The following BNC1 variants were observed in gnomAD, a reference collection of about 807,000 sequenced individuals.
BNC1 encodes basonuclin zinc finger protein 1.
In BNC1, 8 loss-of-function variants were observed where a neutral mutation model predicts 66.5. The ratio of observed to expected loss-of-function variants is 0.12; its 90% CI spans 0.07 to 0.22. BNC1 has a LOEUF of 0.22. Ranked by LOEUF, BNC1 falls within the 10% of genes least tolerant of loss-of-function variation. The probability of loss-of-function intolerance (pLI) is 1.00; values close to 1 mark genes in which losing one functional copy is unlikely to be tolerated. For missense variants in BNC1, 1,069 were observed against 1,241.3 expected (o/e 0.86, Z 2.09); for synonymous variants, 454 against 452.6 (o/e 1.00, Z -0.04).
rs1402815310 is a variant in BNC1, at chr15:83,256,689, A to G, written c.*753T>C. 6.6e-6 allele frequency: 1 copy of G among 152,228 alleles called. No homozygotes were observed. Among genetic ancestry groups the G allele is most frequent in the Non-Finnish European group, 1.5e-5 (1 of 68,034 alleles). 9.4% of individuals were successfully genotyped at this position (152,228 alleles called of 1,614,324 possible). A position where few individuals can be genotyped will look rare whatever the true frequency, so the allele number is the denominator to read the frequency against. On this transcript the variant is annotated 3_prime_UTR_variant, in exon 5 of 5. Coordinates refer to ENST00000345382, the MANE Select transcript of BNC1 (RefSeq NM_001717.4). ...AGAGATCCAGAGGTGACACAGTGCA[A>G]TATCTGCACTCACACCAAACACCAC... is the stretch of plus-strand genomic sequence containing the variant.
At chr15:83,259,039 G>A (rs4408505) in intron 4 of BNC1, among the ~76,000 whole-genome samples, 30,767 of 152,172 alleles carry the variant, frequency 0.2, 3,267 homozygotes, top group Admixed American at 0.23. Flanking sequence ...TATTTGTAAC[G>A]TTTCACTATC....
At position 83,284,547 on chromosome 15, in the gene BNC1, C is replaced by A; in HGVS notation, c.82G>T (p.Gly28Cys). The A allele has an allele frequency of 1.7e-6, 2 of 1,163,086 alleles. No individual in the cohort carries two copies. The highest frequency in any genetic ancestry group is 2.1e-6 in the Non-Finnish European group (2 of 937,008). 72.0% of individuals were successfully genotyped at this position (1,163,086 alleles called of 1,614,324 possible). Residue 28 changes from glycine (G) to cysteine (C), a missense_variant, in exon 1 of 5, where the codon GGT becomes TGT. This residue lies in a region of BNC1 where 78 missense variants were observed against 80.9 expected (regional missense o/e 0.96). Coordinates refer to ENST00000345382, the MANE Select transcript of BNC1 (RefSeq NM_001717.4). Reference sequence around the variant, plus strand: ...GCGCTTACCTCGGCCATCCTGCGACCGCTGCGGTGCCGGGGCTGCCGGCGC... The same window carrying A: ...GCGCTTACCTCGGCCATCCTGCGACAGCTGCGGTGCCGGGGCTGCCGGCGC... ...ETRRQPRHRS[G>C]RRMAEAISCT...
chr15:83,266,099 C>T lies in BNC1; in HGVS notation c.435+737G>A, dbSNP rs1358443368. Among the ~76,000 whole-genome samples the T allele has an allele frequency of 2.0e-5, 3 of 152,068 alleles. No homozygotes were observed. The East Asian group carries it at 5.8e-4, about 29-fold the overall frequency. On this transcript the variant is annotated intron_variant, in intron 3 of 4. Transcript: ENST00000345382. ...TTTGCTTCTAAAAACACCTTGATAGCCTCTTTGGAAATGAAACATGAAGCC... is the reference window on the plus strand; with the variant it reads ...TTTGCTTCTAAAAACACCTTGATAGTCTCTTTGGAAATGAAACATGAAGCC...
chr15:83,283,441 C>G, intron 1 of BNC1: 1 of 1,243,714 alleles, frequency 8.0e-7, no homozygotes, highest in Non-Finnish European at 1.0e-6. Flanking sequence ...CCGCCCGGCT[C>G]CCAGCACGGA....
In BNC1 at chr15:83,264,510, C is replaced by A. The variant is rs1335768218; in HGVS notation, c.741G>T (p.Gln247His). ...ISNMTFMLPF[Q>H]FFNPLPPALI... Reference sequence around the variant, plus strand: ...GTGCAGGAGGCAGAGGGTTGAAGAACTGGAAAGGCAGCATGAAAGTCATGT... The same window carrying A: ...GTGCAGGAGGCAGAGGGTTGAAGAAATGGAAAGGCAGCATGAAAGTCATGT... Residue 247 changes from glutamine (Q) to histidine (H), a missense_variant, in exon 4 of 5, where the codon CAG becomes CAT. By Grantham distance (24) the Gln-to-His change is conservative. This residue lies in a region of BNC1 where 181 missense variants were observed against 181.5 expected (regional missense o/e 1.00). Transcript: ENST00000345382. The A allele has an allele frequency of 1.2e-6, 2 of 1,614,096 alleles. No individual in the cohort carries two copies. The highest frequency in any genetic ancestry group is 1.6e-4 in the Middle Eastern group (1 of 6,062).
intron 1 of BNC1, chr15:83,283,387 G>T: frequency 7.4e-7 from 1 of 1,350,890 alleles, no homozygotes; most frequent in Non-Finnish European, 9.5e-7. Context: ...AGACCCCGCA[G>T]CGGCCTCCTC....
chr15:83,259,658 G>A (rs1353659719), intron 4 of BNC1, among the ~76,000 whole-genome samples: 1 of 152,152 alleles, frequency 6.6e-6, no homozygotes. Context: ...CATACAAGTG[G>A]TTAAAAAGAA....
chr15:83,283,239 C>A (rs1430151373), intron 1 of BNC1: 1 of 1,535,656 alleles, frequency 6.5e-7, no homozygotes, highest in Non-Finnish European at 8.7e-7. Context: ...CGGAGCTACG[C>A]GCTGATTAAT....
At chr15:83,283,388 C>T in intron 1 of BNC1, 1 of 1,280,114 alleles carries the variant, frequency 7.8e-7, no homozygotes. Context: ...GACCCCGCAG[C>T]GGCCTCCTCC....
chr15:83,263,442 A>G lies in BNC1; in HGVS notation c.1809T>C (p.Pro603=). The G allele has an allele frequency of 1.9e-6, 3 of 1,614,184 alleles. No individual in the cohort carries two copies. The highest frequency in any genetic ancestry group is 2.5e-6 in the Non-Finnish European group (3 of 1,180,020). ...CACGATGGCAGGGCCTCTCCCCTTC[A>G]GGGAAAGGCTTCCCTAAGCCTCCTG... is the stretch of plus-strand genomic sequence containing the variant. ...VQSGGLGKPF[P]EGERPCHRES... Residue 603 remains proline, a synonymous_variant, in exon 4 of 5, where the codon CCT becomes CCC. Transcript: ENST00000345382.
intron 1 of BNC1, among the ~76,000 whole-genome samples, chr15:83,276,515 C>G (rs1374290011): frequency 6.6e-6 from 1 of 152,158 alleles, no homozygotes; most frequent in Admixed American, 6.5e-5. Flanking sequence ...CCCCAATATG[C>G]CTTAGTAAAA....
rs1034560313 is a variant in BNC1, at chr15:83,267,021, T to C, written c.250A>G (p.Ile84Val). The C allele has an allele frequency of 6.2e-7, 1 of 1,614,108 alleles. No homozygotes were observed. The highest frequency in any genetic ancestry group is 1.1e-5 in the South Asian group (1 of 91,076). ...TCAAACACTACATTGGACTGGACAATCTCCACCTGGCTTGTTGGATACATG... is the reference window on the plus strand; with the variant it reads ...TCAAACACTACATTGGACTGGACAACCTCCACCTGGCTTGTTGGATACATG... ...PPMYPTSQVEIVQSNVVFDIS... is the reference protein window; with the variant it reads ...PPMYPTSQVEVVQSNVVFDIS... The change falls in exon 3 of 5, where the codon ATT (isoleucine) becomes GTT (valine). Residue 84 changes from isoleucine to valine, a missense_variant. Around this residue, in one of 7 missense-constraint regions of BNC1, gnomAD observed 30 missense variants for 20.2 expected, o/e 1.49. Coordinates refer to ENST00000345382, the MANE Select transcript of BNC1 (RefSeq NM_001717.4).
intron 1 of BNC1, among the ~76,000 whole-genome samples, chr15:83,270,653 A>C (rs2038261236): frequency 6.6e-6 from 1 of 151,978 alleles, no homozygotes; most frequent in Non-Finnish European, 1.5e-5. Flanking sequence ...GTCTCTTCAG[A>C]TCTTTTGCCT....
chr15:83,266,187 G>A (rs1162287898), intron 3 of BNC1, among the ~76,000 whole-genome samples: 1 of 148,022 alleles, frequency 6.8e-6, no homozygotes, highest in African/African-American at 2.5e-5. Flanking sequence ...AGGACAGAGA[G>A]GATGAAGGGC....
At position 83,263,281 on chromosome 15, in the gene BNC1, T is replaced by C. The variant is rs1395490209; in HGVS notation, c.1970A>G (p.Tyr657Cys). The C allele has an allele frequency of 6.2e-7, 1 of 1,614,078 alleles. No homozygotes were observed. Among genetic ancestry groups the C allele is most frequent in the Admixed American group, 1.7e-5 (1 of 60,004 alleles). ...TTGGGGTTCCATCCCAGGTGTGAAGTAGTGTTCATGGCCACCATCCTCGAC... is the reference window on the plus strand; with the variant it reads ...TTGGGGTTCCATCCCAGGTGTGAAGCAGTGTTCATGGCCACCATCCTCGAC... ...REVEDGGHEH[Y>C]FTPGMEPQVP... is the part of the protein sequence containing the mutation. Residue 657 changes from tyrosine to cysteine, a missense_variant, in exon 4 of 5, where the codon TAC (tyrosine) becomes TGC (cysteine). Around this residue, in one of 7 missense-constraint regions of BNC1, gnomAD observed 657 missense variants for 715.8 expected, o/e 0.92. Transcript: ENST00000345382.
intron 1 of BNC1, among the ~76,000 whole-genome samples, chr15:83,269,429 G>A (rs914958983): frequency 1.6e-5 from 2 of 122,076 alleles, no homozygotes; most frequent in African/African-American, 3.7e-5. Context: ...TGGGAAGTGC[G>A]TGTGTGTGTG....
rs754381422 is a variant in BNC1, at chr15:83,264,016, C to T, written c.1235G>A (p.Arg412Gln). The T allele has an allele frequency of 3.7e-6, 6 of 1,614,102 alleles. No individual in the cohort carries two copies. The highest frequency in any genetic ancestry group is 4.5e-5 in the East Asian group (2 of 44,870). The change falls in exon 4 of 5, where the codon CGG (arginine) becomes CAG (glutamine). Residue 412 changes from arginine (R) to glutamine (Q), a missense_variant. Around this residue, in one of 7 missense-constraint regions of BNC1, gnomAD observed 82 missense variants for 136.3 expected, o/e 0.60. Coordinates refer to ENST00000345382, the MANE Select transcript of BNC1 (RefSeq NM_001717.4). ...ATTTCTGTTCATTGGCATGTGCAGC[C>T]GAGGGTTGGGGTTGGCGCTATGGCG... Reference protein sequence around the residue: ...RNRHSANPNPRLHMPMNRNNR... With the variant: ...RNRHSANPNPQLHMPMNRNNR...
At chr15:83,283,192 G>A (rs746367608) in intron 1 of BNC1, 2 of 1,535,698 alleles carry the variant, frequency 1.3e-6, no homozygotes, top group South Asian at 2.4e-5. Context: ...TAAATGAGAA[G>A]AACATGTTTC....
chr15:83,279,392 C>G (rs929610493), intron 1 of BNC1, among the ~76,000 whole-genome samples: 2 of 152,180 alleles, frequency 1.3e-5, no homozygotes, highest in Non-Finnish European at 2.9e-5. Context: ...AACTCCTACT[C>G]TCCCCCAAAT....
Sources: allele counts gnomAD v4.1 joint callset (sites outside exome capture counted in the v4.1 genomes callset), GRCh38; gene constraint gnomAD v4.1.1; regional missense constraint gnomAD v4.1.1; transcripts MANE v1.5; gene names NCBI Gene and HGNC (gene_info 2026-07-23, HGNC 2026-07-21).